Variants in ZNF503 observed in about 807,000 individuals in gnomAD.
ZNF503 encodes NocA-like zinc finger 2.
ZNF503 carries 15 observed loss-of-function variants against 34.4 expected under a neutral mutation model. The observed-to-expected ratio is 0.44, with a 90% CI of 0.29 to 0.67. ZNF503 has a LOEUF of 0.67. Among genes scored for constraint, ZNF503 ranks in the 30% least tolerant of loss-of-function variants. The probability of loss-of-function intolerance (pLI) is 0.13; values close to 1 mark genes in which losing one functional copy is unlikely to be tolerated. For synonymous variants in ZNF503, 580 were observed against 456.8 expected, an observed-to-expected ratio of 1.27 and a Z score of -3.44; for missense variants, 1,007 against 926.8, an observed-to-expected ratio of 1.09 and a Z score of -1.12.
chr10:75,376,970 TG>T, the ZNF503 span, among the ~76,000 whole-genome samples: 1 of 152,124 alleles, frequency 6.6e-6, no homozygotes, highest in African/African-American at 2.4e-5. Flanking sequence ...GAGATTTGGG[TG>T]GGGATACAGA....
the ZNF503 span, among the ~76,000 whole-genome samples, chr10:75,367,045 T>C: frequency 6.6e-6 from 1 of 152,220 alleles, no homozygotes; most frequent in Non-Finnish European, 1.5e-5. Flanking sequence ...TGCACCACTT[T>C]GTGTTACTGA....
chr10:75,319,738 C>T, the ZNF503 span, among the ~76,000 whole-genome samples: 1 of 152,122 alleles, frequency 6.6e-6, no homozygotes, highest in Non-Finnish European at 1.5e-5. Context: ...GTGCTGTATA[C>T]AAAAACTCCT....
the ZNF503 span, among the ~76,000 whole-genome samples, chr10:75,324,515 C>T: frequency 3.3e-5 from 5 of 152,034 alleles, no homozygotes; most frequent in African/African-American, 1.2e-4. Flanking sequence ...TTTTTAGAGA[C>T]AGGGTTTGGC....
chr10:75,400,174 C>G lies in ZNF503; in HGVS notation c.516G>C (p.Lys172Asn). 1 of 1,574,786 alleles carries G rather than the reference C, an allele frequency of 6.4e-7. No homozygotes were observed. Among genetic ancestry groups the G allele is most frequent in the Non-Finnish European group, 8.6e-7 (1 of 1,161,448 alleles). ...LKLSDIGVED[K>N]SSFKPYSKPG... ...GTTTGGAGTACGGCTTGAAACTCGA[C>G]TTGTCCTCCACGCCGATGTCGCTCA... The change falls in exon 2 of 2, where the codon AAG becomes AAC. Residue 172 changes from lysine (K) to asparagine (N), a missense_variant. Transcript: ENST00000372524.
the ZNF503 span, among the ~76,000 whole-genome samples, chr10:75,354,941 G>C: frequency 1.3e-5 from 2 of 152,104 alleles, no homozygotes; most frequent in Non-Finnish European, 2.9e-5. Flanking sequence ...TGCCTCCCAG[G>C]TTCAAGCCTG....
chr10:75,378,741 G>C, the ZNF503 span, among the ~76,000 whole-genome samples: 1 of 152,148 alleles, frequency 6.6e-6, no homozygotes, highest in African/African-American at 2.4e-5. Context: ...GCAGGATACA[G>C]GGACCAGAAC....
At chr10:75,333,288 AC>A in the ZNF503 span, among the ~76,000 whole-genome samples, 4 of 23,010 alleles carry the variant, frequency 1.7e-4, no homozygotes, top group Admixed American at 5.2e-4. Context: ...GGGGGCTGAC[AC>A]CCCCACCTCC....
At chr10:75,396,630 G>C (rs1843700629), downstream of ZNF503, among the ~76,000 whole-genome samples, 1 of 152,200 alleles carries the variant, frequency 6.6e-6, no homozygotes, top group African/African-American at 2.4e-5. This position sits in a 1 kb window ranked among gnomAD's most constrained non-coding sequence, Gnocchi z 4.4. Flanking sequence ...AGGGGTACCT[G>C]AGCGCCGAGG....
the ZNF503 span, among the ~76,000 whole-genome samples, chr10:75,346,247 G>A: frequency 6.6e-6 from 1 of 152,124 alleles, no homozygotes; most frequent in East Asian, 1.9e-4. Context: ...TTGTGTACAG[G>A]TCTGGCTTCA....
At chr10:75,334,907 A>G in the ZNF503 span, among the ~76,000 whole-genome samples, 1 of 152,218 alleles carries the variant, frequency 6.6e-6, no homozygotes, top group Non-Finnish European at 1.5e-5. Flanking sequence ...ATTTTTCTTC[A>G]TGATCTTTGT....
chr10:75,290,676 C>T, the ZNF503 span, among the ~76,000 whole-genome samples: 1 of 152,342 alleles, frequency 6.6e-6, no homozygotes, highest in African/African-American at 2.4e-5. Context: ...ACACAACCAA[C>T]TACATCTTTG....
the ZNF503 span, among the ~76,000 whole-genome samples, chr10:75,353,682 G>A: frequency 6.6e-6 from 1 of 152,188 alleles, no homozygotes; most frequent in Non-Finnish European, 1.5e-5. Context: ...AAACAGCAGG[G>A]TACCTCCCAA....
rs773815409 is a variant in ZNF503 at position 75,399,774 on chromosome 10, C to A, written c.916G>T (p.Ala306Ser). 1 of 1,593,292 alleles carries A rather than the reference C, an allele frequency of 6.3e-7. No homozygotes were observed. Among genetic ancestry groups the A allele is most frequent in the Non-Finnish European group, 8.5e-7 (1 of 1,173,396 alleles). The change falls in exon 2 of 2, where the codon GCT becomes TCT. Residue 306 changes from alanine to serine, a missense_variant. Ala to Ser is a moderately conservative substitution (Grantham distance 99). Coordinates refer to ENST00000372524, the MANE Select transcript of ZNF503 (RefSeq NM_032772.6). Reference sequence around the variant, plus strand: ...GAACCGCCGCAGTCCGAGCCCAGAGCCTTGCCTCCCGGGCCCCCATCCGGA... The same window carrying A: ...GAACCGCCGCAGTCCGAGCCCAGAGACTTGCCTCCCGGGCCCCCATCCGGA... ...QHPDGGPGGK[A>S]LGSDCGGSSG... is the part of the protein sequence containing the mutation.
the ZNF503 span, among the ~76,000 whole-genome samples, chr10:75,389,018 C>G: frequency 1.3e-5 from 2 of 152,196 alleles, no homozygotes; most frequent in Non-Finnish European, 2.9e-5. Context: ...TTTCTGCATC[C>G]TTCCCTCAAC....
chr10:75,293,355 G>C, the ZNF503 span, among the ~76,000 whole-genome samples: 1 of 152,170 alleles, frequency 6.6e-6, no homozygotes, highest in Admixed American at 6.5e-5. Flanking sequence ...GGAACAAGTT[G>C]CCTGGAGCCA....
At chr10:75,359,387 A>G in the ZNF503 span, among the ~76,000 whole-genome samples, 1 of 152,220 alleles carries the variant, frequency 6.6e-6, no homozygotes, top group Non-Finnish European at 1.5e-5. Flanking sequence ...TTAGGTGGCT[A>G]AAGATGAGCA....
At chr10:75,340,822 C>T in the ZNF503 span, among the ~76,000 whole-genome samples, 44,674 of 151,972 alleles carry the variant, frequency 0.29, 7,238 homozygotes, top group South Asian at 0.41. Flanking sequence ...ACGCTGGTCT[C>T]GGACTCCTGA....
At chr10:75,334,799 C>T in the ZNF503 span, among the ~76,000 whole-genome samples, 6 of 152,238 alleles carry the variant, frequency 3.9e-5, no homozygotes, top group African/African-American at 1.4e-4. Context: ...GCTGAAATCT[C>T]TGCTCAGCTT....
chr10:75,314,227 A>C, the ZNF503 span, among the ~76,000 whole-genome samples: 2 of 132,328 alleles, frequency 1.5e-5, no homozygotes, highest in African/African-American at 5.9e-5. Context: ...ACAGAGCGAG[A>C]CTCCGTCTCA....
Sources: gnomAD v4.1 joint callset for allele counts (sites outside exome capture counted in the v4.1 genomes callset) on GRCh38, gnomAD v4.1.1 for gene constraint, Gnocchi (gnomAD v3.1) non-coding constraint, MANE v1.5 for transcripts, NCBI Gene and HGNC (gene_info 2026-07-23, HGNC 2026-07-21) for gene names.